Variants in ZFC3H1 observed in about 807,000 individuals in gnomAD.
The protein encoded by ZFC3H1 is zinc finger C3H1-type containing, also known as zinc finger C3H1 domain-containing protein.
Under a neutral mutation model 243.7 loss-of-function variants are expected in ZFC3H1, and 71 were observed. The observed-to-expected ratio is 0.29, with a 90% CI of 0.24 to 0.36. The LOEUF is 0.36. Ranked by LOEUF, ZFC3H1 falls within the 10% of genes least tolerant of loss-of-function variation. The probability of loss-of-function intolerance (pLI) is 1.00; values close to 1 mark genes in which losing one functional copy is unlikely to be tolerated. For synonymous variants in ZFC3H1, 838 were observed against 813.0 expected (o/e 1.03, Z -0.52); for missense variants, 1,966 against 2,317.1 (o/e 0.85, Z 3.11).
In ZFC3H1 at chr12:71,636,610, G is replaced by T. The variant is rs764401015; in HGVS notation, c.1980C>A (p.Asn660Lys). Reference sequence around the variant, plus strand: ...TGCTTCTTGGCACAGGATGTGAATTGTTCAGAACTGGAGGTGAAGGTGGGT... The same window carrying T: ...TGCTTCTTGGCACAGGATGTGAATTTTTCAGAACTGGAGGTGAAGGTGGGT... Reference protein sequence around the residue: ...NSDPPSPPVLNNSHPVPRSNL... With the variant: ...NSDPPSPPVLKNSHPVPRSNL... Residue 660 changes from asparagine to lysine, a missense_variant, in exon 9 of 35, where the codon AAC (asparagine) becomes AAA (lysine). Asn to Lys is a moderately conservative substitution (Grantham distance 94). Transcript: ENST00000378743. 7.4e-6 allele frequency: 12 copies of T among 1,613,866 alleles called. No homozygotes were observed. The Admixed American group carries it at 2.0e-4, about 27-fold the overall frequency.
chr12:71,615,064 G>C, intron 28 of ZFC3H1, 126 bp from the exon 29 acceptor site: 3 of 1,104,908 alleles, frequency 2.7e-6, no homozygotes, highest in South Asian at 2.9e-5. Flanking sequence ...TTCTTCTCTA[G>C]TATATACTAA....
At position 71,631,863 on chromosome 12, in the gene ZFC3H1, C is replaced by G; in HGVS notation, c.3385G>C (p.Val1129Leu). 1 of 1,613,594 alleles carries G rather than the reference C, an allele frequency of 6.2e-7. No homozygotes were observed. The highest frequency in any genetic ancestry group is 1.3e-5 in the African/African-American group (1 of 75,022). ...GQEISVDVDF[V>L]TAQSKTMEVK... ...TCCATTGTTTTACTTTGTGCTGTGA[C>G]AAAATCCACATCTACAGAAATCTCC... Residue 1129 changes from valine (V) to leucine (L), a missense_variant, in exon 16 of 35, where the codon GTC (valine) becomes CTC (leucine). By Grantham distance (32) the Val-to-Leu change is conservative (BLOSUM62 1). Coordinates refer to ENST00000378743, the MANE Select transcript of ZFC3H1 (RefSeq NM_144982.5).
At position 71,657,152 on chromosome 12, in the gene ZFC3H1, A is replaced by T. The variant is rs1297821976; in HGVS notation, c.748T>A (p.Leu250Met). 6.2e-7 allele frequency: 1 copy of T among 1,613,900 alleles called. No individual in the cohort carries two copies. Among genetic ancestry groups the T allele is most frequent in the South Asian group, 1.1e-5 (1 of 91,064 alleles). Residue 250 changes from leucine (L) to methionine (M), a missense_variant, in exon 2 of 35, where the codon TTG becomes ATG. Coordinates refer to ENST00000378743, the MANE Select transcript of ZFC3H1 (RefSeq NM_144982.5). ...ECINKDEKLA[L>M]SSKEENVQED... ...TGCACATTCTCTTCTTTGCTACTCA[A>T]TGCTAGTTTTTCATCCTTATTGATG... is the stretch of plus-strand genomic sequence containing the variant.
At chr12:71,627,620 T>C (rs914973032) in intron 21 of ZFC3H1, 131 bp downstream of exon 21, 32 of 822,798 alleles carry the variant, frequency 3.9e-5, no homozygotes, top group Non-Finnish European at 5.4e-5. Context: ...AAAATGCTTT[T>C]GGCTTTGTCA....
intron 2 of ZFC3H1, among the ~76,000 whole-genome samples, chr12:71,655,250 A>C (rs1298831122): frequency 6.6e-6 from 1 of 152,144 alleles, no homozygotes; most frequent in Non-Finnish European, 1.5e-5. Flanking sequence ...GATATCAATA[A>C]AAAATACTGC....
At position 71,614,631 on chromosome 12, in the gene ZFC3H1, A is replaced by G; in HGVS notation, c.5430T>C (p.Thr1810=). The change falls in exon 30 of 35, where the codon ACT becomes ACC. Residue 1810 remains threonine (T), a synonymous_variant. Coordinates refer to ENST00000378743, the MANE Select transcript of ZFC3H1 (RefSeq NM_144982.5). ...RNKVQEFKFF[T]DLVNRCLVTV... ...TAACCAAACATCTATTCACTAAATC[A>G]GTAAAAAATTTGAATTCTTGAACTT... 2 of 1,613,564 alleles carry G rather than the reference A, an allele frequency of 1.2e-6. No individual in the cohort carries two copies. Among genetic ancestry groups the G allele is most frequent in the Non-Finnish European group, 1.7e-6 (2 of 1,179,672 alleles).
In ZFC3H1 at chr12:71,644,945, G is replaced by T. The variant is rs769689359; in HGVS notation, c.1211C>A (p.Thr404Lys). ...TTTAACTTTTTGCTGTACAGTTTTCGTCTTAGTCAACTTTTCTTTGCTTTC... is the reference window on the plus strand; with the variant it reads ...TTTAACTTTTTGCTGTACAGTTTTCTTCTTAGTCAACTTTTCTTTGCTTTC... ...MKESKEKLTK[T>K]KTVQQKVKTS... Residue 404 changes from threonine to lysine, a missense_variant, in exon 4 of 35, where the codon ACG becomes AAG. Coordinates refer to ENST00000378743, the MANE Select transcript of ZFC3H1 (RefSeq NM_144982.5). 6.2e-7 allele frequency: 1 copy of T among 1,612,856 alleles called. No homozygotes were observed. Among genetic ancestry groups the T allele is most frequent in the African/African-American group, 1.3e-5 (1 of 74,870 alleles).
At chr12:71,640,220 C>T (rs1250776244) in intron 6 of ZFC3H1, among the ~76,000 whole-genome samples, 1 of 152,172 alleles carries the variant, frequency 6.6e-6, no homozygotes, top group East Asian at 1.9e-4. Context: ...CGAGGTTTCA[C>T]CATGTTGGCC....
chr12:71,650,882 T>G (rs1465016959), intron 2 of ZFC3H1, among the ~76,000 whole-genome samples: 1 of 152,224 alleles, frequency 6.6e-6, no homozygotes, highest in Non-Finnish European at 1.5e-5. Flanking sequence ...TACAAGGCTC[T>G]GTCTATAAGA....
Position 71,656,696 on chromosome 12 carries a change from T to C in ZFC3H1, c.1015+189A>G, listed in dbSNP as rs148014710. ...AGAGGCCAGAATGTCAGGCAAAAAA[T>C]AAATAAATAAATAAAGACTAAAAGT... is the stretch of plus-strand genomic sequence containing the variant. On this transcript the variant is annotated intron_variant, in intron 2 of 34. Coordinates refer to ENST00000378743, the MANE Select transcript of ZFC3H1 (RefSeq NM_144982.5). The C allele has an allele frequency of 4.6e-3, 2,781 of 603,854 alleles. 58 individuals carry two copies. In the African/African-American group the frequency reaches 0.046, roughly 10 times the overall value. The allele number at this position is 603,854 out of a possible 1,614,324, so 37.4% of individuals were successfully genotyped here.
chr12:71,656,298 T>A, intron 2 of ZFC3H1: 3 of 360,844 alleles, frequency 8.3e-6, no homozygotes. Context: ...GTATATAAAT[T>A]ATATCTTAAT....
In ZFC3H1 at chr12:71,609,614, C is replaced by T. The variant is rs1879718523; in HGVS notation, c.*814G>A. On this transcript the variant is annotated 3_prime_UTR_variant, in exon 35 of 35. Transcript: ENST00000378743. Reference sequence around the variant, plus strand: ...ACAGCAAGAGTTTTTAGAAAGTTAACTTATATTAAAAAAGTATATAAACAA... The same window carrying T: ...ACAGCAAGAGTTTTTAGAAAGTTAATTTATATTAAAAAAGTATATAAACAA... The T allele has an allele frequency of 6.6e-6, 1 of 151,882 alleles. No homozygotes were observed. The highest frequency in any genetic ancestry group is 1.5e-5 in the Non-Finnish European group (1 of 67,962). The allele number at this position is 151,882 out of a possible 1,614,324, so 9.4% of individuals were successfully genotyped here. A position where few individuals can be genotyped will look rare whatever the true frequency, so the allele number is the denominator to read the frequency against.
At chr12:71,644,015 CTTAT>C in intron 5 of ZFC3H1, 76 bp downstream of exon 5, 6 of 1,243,286 alleles carry the variant, frequency 4.8e-6, no homozygotes, top group South Asian at 1.5e-5. Flanking sequence ...AATAAACTTC[CTTAT>C]TTGACAGAAT....
At chr12:71,619,478 A>C in intron 26 of ZFC3H1, 69 bp from the exon 27 acceptor site, 3 of 1,451,182 alleles carry the variant, frequency 2.1e-6, no homozygotes, top group Non-Finnish European at 2.8e-6. Context: ...CACGAGGGAG[A>C]AAAAAAGCCT....
At chr12:71,645,365 A>C (rs1024668594) in intron 3 of ZFC3H1, among the ~76,000 whole-genome samples, 1 of 152,216 alleles carries the variant, frequency 6.6e-6, no homozygotes, top group Admixed American at 6.5e-5. Context: ...GAAAAGAGTT[A>C]GTAGCTAACA....
chr12:71,634,612 C>A, intron 11 of ZFC3H1, 92 bp downstream of exon 11: 1 of 1,362,912 alleles, frequency 7.3e-7, no homozygotes, highest in Non-Finnish European at 9.9e-7. Flanking sequence ...ATAAAACTAT[C>A]ATCACTCATT....
At chr12:71,619,489 T>C (rs1879973022) in intron 26 of ZFC3H1, 80 bp from the exon 27 acceptor site, 3 of 1,351,590 alleles carry the variant, frequency 2.2e-6, no homozygotes, top group Non-Finnish European at 3.1e-6. Context: ...AAAAAAGCCT[T>C]AAAAAAGTAC....
At position 71,614,702 on chromosome 12, in the gene ZFC3H1, T is replaced by C; in HGVS notation, c.5361-2A>G. The C allele has an allele frequency of 6.3e-7, 1 of 1,598,816 alleles. No individual in the cohort carries two copies. Among genetic ancestry groups the C allele is most frequent in the Non-Finnish European group, 8.5e-7 (1 of 1,175,512 alleles). ...CTATTATTTGCAAAGACAAGATAAC[T>C]GCCAAAAGAAAAATATTATAATTTA... On this transcript the variant is annotated splice_acceptor_variant, in intron 29 of 34. Transcript: ENST00000378743. LOFTEE classifies it high-confidence loss of function.
intron 2 of ZFC3H1, 75 bp downstream of exon 2, chr12:71,656,810 T>A: frequency 7.1e-7 from 1 of 1,413,384 alleles, no homozygotes. Context: ...TTCAATGAAG[T>A]ACACTGCCAA....
Sources: gnomAD v4.1 joint callset for allele counts (sites outside exome capture counted in the v4.1 genomes callset) on GRCh38, gnomAD v4.1.1 for gene constraint, MANE v1.5 for transcripts, NCBI Gene and HGNC (gene_info 2026-07-23, HGNC 2026-07-21) for gene names.